CSMD3: variants seen among roughly 807,000 people sequenced by gnomAD.
CSMD3 encodes the protein CUB and sushi domain-containing protein 3.
A neutral mutation model predicts 435.2 loss-of-function variants in CSMD3; 177 were observed. The observed-to-expected ratio is 0.41, with a 90% CI of 0.36 to 0.46. The LOEUF is 0.46. Ranked by LOEUF, CSMD3 falls within the 20% of genes least tolerant of loss-of-function variation. CSMD3 has a pLI of 0.34. For missense variants in CSMD3, 4,265 were observed against 4,504.6 expected (o/e 0.95, Z 1.52); for synonymous variants, 1,656 against 1,520.5 (o/e 1.09, Z -2.07).
chr8:112,695,451 C>T (rs2076230057), intron 13 of CSMD3, among the ~76,000 whole-genome samples: 1 of 152,092 alleles, frequency 6.6e-6, no homozygotes, highest in African/African-American at 2.4e-5. Context: ...AAATGCAATC[C>T]AGCATATAAA....
chr8:112,298,982 G>C (rs190050918), intron 53 of CSMD3, among the ~76,000 whole-genome samples: 1 of 152,040 alleles, frequency 6.6e-6, no homozygotes, highest in East Asian at 1.9e-4. Context: ...ATCAAAAAGA[G>C]AATGGCTGAA....
In CSMD3 at chr8:112,725,312, T is replaced by C. The variant is rs549766148; in HGVS notation, c.1973-35262A>G. Among the ~76,000 whole-genome samples the C allele has an allele frequency of 4.0e-5, 6 of 151,842 alleles. No homozygotes were observed. The South Asian group carries it at 8.3e-4, about 21-fold the overall frequency. On this transcript the variant is annotated intron_variant, in intron 13 of 70. Transcript: ENST00000297405. Reference sequence around the variant, plus strand: ...GGTTTAGTGTGCTAGTGGAAAGGAGTAGCTTTAGATAGAAGCATTGCGACT... The same window carrying C: ...GGTTTAGTGTGCTAGTGGAAAGGAGCAGCTTTAGATAGAAGCATTGCGACT...
At chr8:112,388,429 T>G (rs942947700) in intron 36 of CSMD3, among the ~76,000 whole-genome samples, 1 of 152,130 alleles carries the variant, frequency 6.6e-6, no homozygotes, top group Admixed American at 6.5e-5. Flanking sequence ...TGGAGAGATA[T>G]AGATTTGTTT....
chr8:112,253,844 G>A (rs1039307782), intron 63 of CSMD3, among the ~76,000 whole-genome samples: 5 of 151,784 alleles, frequency 3.3e-5, no homozygotes, highest in South Asian at 2.1e-4. Context: ...TGAATAACCC[G>A]CATTTTTATA....
intron 32 of CSMD3, among the ~76,000 whole-genome samples, chr8:112,431,672 C>G (rs188008870): frequency 6.6e-6 from 1 of 152,240 alleles, no homozygotes; most frequent in Non-Finnish European, 1.5e-5. Context: ...ACTCTCTCTA[C>G]AAAGTGAAAT....
chr8:112,254,315 T>A lies in CSMD3; in HGVS notation c.10048A>T (p.Thr3350Ser), dbSNP rs1815579497. The A allele has an allele frequency of 6.2e-7, 1 of 1,611,046 alleles. No homozygotes were observed. Among genetic ancestry groups the A allele is most frequent in the Admixed American group, 1.7e-5 (1 of 59,926 alleles). ...SSPHCIEPTQTSCENPGVPRH... is the reference protein window; with the variant it reads ...SSPHCIEPTQSSCENPGVPRH... ...GGCACACCTGGGTTTTCACAAGAGGTTTGGGTAGGCTCTAAAATGAAGATT... is the reference window on the plus strand; with the variant it reads ...GGCACACCTGGGTTTTCACAAGAGGATTGGGTAGGCTCTAAAATGAAGATT... Residue 3350 changes from threonine to serine, a missense_variant, in exon 63 of 71, where the codon ACC (threonine) becomes TCC (serine). By Grantham distance (58) the Thr-to-Ser change is moderately conservative. Coordinates refer to ENST00000297405, the MANE Select transcript of CSMD3 (RefSeq NM_198123.2).
intron 6 of CSMD3, among the ~76,000 whole-genome samples, chr8:113,014,075 C>T (rs1587887892): frequency 1.3e-5 from 2 of 152,076 alleles, no homozygotes; most frequent in African/African-American, 4.8e-5. Flanking sequence ...GAGAGGATGG[C>T]ATGGGTCATC....
At chr8:112,433,669 A>AG (rs1554677507) in intron 32 of CSMD3, among the ~76,000 whole-genome samples, 27 of 144,972 alleles carry the variant, frequency 1.9e-4, no homozygotes, top group Non-Finnish European at 2.2e-4. Context: ...AAAAAAAAAA[A>AG]AAAGAAAGAA....
intron 52 of CSMD3, among the ~76,000 whole-genome samples, chr8:112,302,431 C>T (rs769495193): frequency 2.0e-5 from 3 of 151,944 alleles, no homozygotes; most frequent in Non-Finnish European, 4.4e-5. Context: ...AGAACTCTAT[C>T]GTTTGAGTTT....
intron 5 of CSMD3, among the ~76,000 whole-genome samples, chr8:113,020,566 T>C (rs2086651550): frequency 6.6e-6 from 1 of 152,154 alleles, no homozygotes; most frequent in African/African-American, 2.4e-5. Flanking sequence ...GGCTATTACA[T>C]AGTTAGGAAG....
At chr8:112,596,733 G>C (rs201350406) in intron 22 of CSMD3, among the ~76,000 whole-genome samples, 18 of 152,058 alleles carry the variant, frequency 1.2e-4, no homozygotes, top group South Asian at 6.3e-4. Context: ...CGCTCAACTA[G>C]ATGGAAACTG....
chr8:112,542,345 GAA>G (rs200297769), intron 27 of CSMD3, among the ~76,000 whole-genome samples: 370 of 83,412 alleles, frequency 4.4e-3, no homozygotes, highest in African/African-American at 0.015. Flanking sequence ...CCTCCAAAAT[GAA>G]AAAAAAAAAA....
chr8:113,170,049 G>A (rs1182201799), intron 4 of CSMD3, among the ~76,000 whole-genome samples: 1 of 152,074 alleles, frequency 6.6e-6, no homozygotes, highest in East Asian at 1.9e-4. Context: ...ACCATTGTTA[G>A]GAAGCATCAA....
At chr8:113,418,755 C>T (rs2094594692) in intron 1 of CSMD3, among the ~76,000 whole-genome samples, 1 of 152,004 alleles carries the variant, frequency 6.6e-6, no homozygotes, top group East Asian at 1.9e-4. Context: ...TAACATCAGC[C>T]CCCAGAAATT....
At chr8:112,747,742 G>A (rs2077467002) in intron 13 of CSMD3, among the ~76,000 whole-genome samples, 3 of 152,168 alleles carry the variant, frequency 2.0e-5, no homozygotes, top group South Asian at 2.1e-4. Context: ...TTGGGAGGCC[G>A]AGGCAGGCGG....
chr8:113,248,478 TATATATAC>T (rs2093301109), intron 3 of CSMD3, among the ~76,000 whole-genome samples: 1 of 135,358 alleles, frequency 7.4e-6, no homozygotes, highest in African/African-American at 2.7e-5. Flanking sequence ...GATATATATG[TATATATAC>T]ATATATATAC....
chr8:112,758,082 C>T (rs922685299), intron 13 of CSMD3, among the ~76,000 whole-genome samples: 5 of 151,720 alleles, frequency 3.3e-5, no homozygotes, highest in African/African-American at 7.3e-5. Flanking sequence ...GGGCCGGGTG[C>T]GGTTGCTCAC....
At chr8:112,385,538 T>C (rs1371857676) in intron 36 of CSMD3, among the ~76,000 whole-genome samples, 1 of 95,772 alleles carries the variant, frequency 1.0e-5, no homozygotes, top group Non-Finnish European at 2.1e-5. Flanking sequence ...CTGCATTGGG[T>C]GAAGAAAGTA....
intron 4 of CSMD3, among the ~76,000 whole-genome samples, chr8:113,137,680 G>A (rs1306267274): frequency 6.6e-6 from 1 of 151,494 alleles, no homozygotes; most frequent in Non-Finnish European, 1.5e-5. Flanking sequence ...GGGCACACCA[G>A]ACCATTTCCC....
Sources: allele counts gnomAD v4.1 joint callset (sites outside exome capture counted in the v4.1 genomes callset), GRCh38; gene constraint gnomAD v4.1.1; transcripts MANE v1.5; gene names NCBI Gene and HGNC (gene_info 2026-07-23, HGNC 2026-07-21).